SLC24A2: variants seen among roughly 807,000 people sequenced by gnomAD.
SLC24A2 encodes the protein sodium/potassium/calcium exchanger 2.
A neutral mutation model predicts 62.0 loss-of-function variants in SLC24A2; 36 were observed. The observed-to-expected ratio is 0.58, with a 90% CI of 0.44 to 0.77. The LOEUF (loss-of-function observed/expected upper bound fraction) is 0.77, where lower values mean the gene tolerates loss of function less well. SLC24A2 is among the 30% of genes least tolerant of loss of function. The pLI is 0.00. For missense variants in SLC24A2, 846 were observed against 817.9 expected, an observed-to-expected ratio of 1.03 and a Z score of -0.42; for synonymous variants, 358 against 294.0, an observed-to-expected ratio of 1.22 and a Z score of -2.23.
intron 8 of SLC24A2, among the ~76,000 whole-genome samples, chr9:19,544,090 T>C (rs2132719336): frequency 6.6e-6 from 1 of 152,208 alleles, no homozygotes; most frequent in South Asian, 2.1e-4. Flanking sequence ...CTCTAAGAAC[T>C]TGCCTTATGA....
chr9:19,949,563 T>C, the SLC24A2 span, among the ~76,000 whole-genome samples: 1 of 152,234 alleles, frequency 6.6e-6, no homozygotes, highest in Non-Finnish European at 1.5e-5. Flanking sequence ...TAGAATCTCC[T>C]GAGTTTTATC....
the SLC24A2 span, among the ~76,000 whole-genome samples, chr9:20,073,561 G>C: frequency 6.6e-6 from 1 of 151,982 alleles, no homozygotes. Flanking sequence ...ATATCTTAGA[G>C]TTTTGCCTAA....
At chr9:19,589,405 G>T (rs1836482184) in intron 5 of SLC24A2, among the ~76,000 whole-genome samples, 1 of 152,184 alleles carries the variant, frequency 6.6e-6, no homozygotes, top group Non-Finnish European at 1.5e-5. Flanking sequence ...TCTAGGGAAT[G>T]GATGGAATCT....
the SLC24A2 span, among the ~76,000 whole-genome samples, chr9:19,932,016 A>C: frequency 1.3e-5 from 2 of 152,150 alleles, no homozygotes; most frequent in African/African-American, 4.8e-5. Flanking sequence ...TCCATTATGC[A>C]TCAGCCATCA....
upstream of SLC24A2, among the ~76,000 whole-genome samples, chr9:19,790,176 T>C (rs116525326): frequency 0.029 from 4,424 of 152,234 alleles, 61 homozygotes; most frequent in Admixed American, 0.037. Flanking sequence ...GCTCTAGCCA[T>C]CCTCCAGCCT....
intron 2 of SLC24A2, among the ~76,000 whole-genome samples, chr9:19,682,459 C>T (rs1300278190): frequency 6.6e-6 from 1 of 152,102 alleles, no homozygotes; most frequent in East Asian, 1.9e-4. Context: ...GCTCTTTTCC[C>T]CTTCTGTAAA....
intron 2 of SLC24A2, among the ~76,000 whole-genome samples, chr9:19,753,450 A>G (rs2118820852): frequency 6.6e-6 from 1 of 152,310 alleles, no homozygotes; most frequent in Non-Finnish European, 1.5e-5. Context: ...ACATTCCCAA[A>G]TAGTTTGTTC....
At chr9:20,029,008 T>G in the SLC24A2 span, among the ~76,000 whole-genome samples, 1 of 152,214 alleles carries the variant, frequency 6.6e-6, no homozygotes, top group Non-Finnish European at 1.5e-5. Flanking sequence ...GGAGGCTACT[T>G]GAAAGTTTGG....
intron 5 of SLC24A2, among the ~76,000 whole-genome samples, chr9:19,594,271 G>C (rs917034609): frequency 1.3e-5 from 2 of 151,946 alleles, no homozygotes; most frequent in Admixed American, 6.6e-5. Context: ...TAAATTCCAT[G>C]GGGTCAAACT....
rs183777934 is a variant in SLC24A2, at chr9:19,738,348, G to C, written c.930+47589C>G. 1.5e-3 allele frequency among the ~76,000 whole-genome samples: 221 copies of C among 152,240 alleles called. 8 individuals are homozygous for C. The East Asian group carries it at 0.032, about 22-fold the overall frequency. ...ATATGGAGAAATGTTTTTCTGGAGT[G>C]GGGGCTGGATGATGTTAGGGTAAAA... is the stretch of plus-strand genomic sequence containing the variant. On this transcript the variant is annotated intron_variant, in intron 2 of 10. Coordinates refer to ENST00000341998, the MANE Select transcript of SLC24A2 (RefSeq NM_020344.4).
intron 2 of SLC24A2, among the ~76,000 whole-genome samples, chr9:19,630,514 C>T (rs1044269246): frequency 1.3e-4 from 20 of 152,128 alleles, no homozygotes; most frequent in Admixed American, 7.9e-4. Flanking sequence ...GATTTTTATA[C>T]GTATAACTTT....
the SLC24A2 span, among the ~76,000 whole-genome samples, chr9:20,150,709 T>G: frequency 7.3e-5 from 11 of 149,922 alleles, no homozygotes; most frequent in East Asian, 1.9e-3. Flanking sequence ...TTCAGCTTTA[T>G]GAGAAATAGT....
intron 2 of SLC24A2, among the ~76,000 whole-genome samples, chr9:19,706,789 C>T (rs1393588998): frequency 4.6e-5 from 7 of 152,006 alleles, no homozygotes; most frequent in Admixed American, 3.9e-4. Context: ...AATAAATGCC[C>T]ACAAGAGAAA....
chr9:19,669,335 T>C (rs375450832), intron 2 of SLC24A2, among the ~76,000 whole-genome samples: 1 of 152,030 alleles, frequency 6.6e-6, no homozygotes, highest in East Asian at 1.9e-4. Context: ...GTGCTGGCAT[T>C]CACATAAGTG....
the SLC24A2 span, among the ~76,000 whole-genome samples, chr9:20,007,424 C>T: frequency 2.0e-5 from 3 of 152,152 alleles, no homozygotes; most frequent in Non-Finnish European, 1.5e-5. Context: ...ATTTGTGTGA[C>T]ATATGCGCCC....
chr9:20,255,868 T>A, the SLC24A2 span, among the ~76,000 whole-genome samples: 44 of 152,326 alleles, frequency 2.9e-4, no homozygotes, highest in Middle Eastern at 6.8e-3. Context: ...TGAGCCCAGC[T>A]CCGATTGTTT....
intron 7 of SLC24A2, among the ~76,000 whole-genome samples, chr9:19,560,078 C>G (rs569885101): frequency 6.6e-6 from 1 of 152,134 alleles, no homozygotes; most frequent in Admixed American, 6.5e-5. Flanking sequence ...ACTTCCAAAG[C>G]AAACCCCGAG....
At chr9:19,966,910 C>G in the SLC24A2 span, among the ~76,000 whole-genome samples, 2 of 151,970 alleles carry the variant, frequency 1.3e-5, no homozygotes, top group Admixed American at 6.6e-5. Context: ...AAATTTTAAG[C>G]CTTTTGATAT....
the SLC24A2 span, among the ~76,000 whole-genome samples, chr9:20,205,398 C>T: frequency 1.6e-4 from 25 of 152,154 alleles, no homozygotes; most frequent in South Asian, 4.2e-4. Flanking sequence ...CCTGTAATCT[C>T]AGCACTTTGG....
Sources: allele counts gnomAD v4.1 joint callset (sites outside exome capture counted in the v4.1 genomes callset), GRCh38; gene constraint gnomAD v4.1.1; transcripts MANE v1.5; gene names NCBI Gene and HGNC (gene_info 2026-07-23, HGNC 2026-07-21).